The following TNFAIP8 variants were observed in gnomAD, a reference collection of about 807,000 sequenced individuals.
TNFAIP8 encodes the protein TNF alpha induced protein 8.
Under a neutral mutation model 13.3 loss-of-function variants are expected in TNFAIP8, and 7 were observed. The ratio of observed to expected loss-of-function variants is 0.52; its 90% CI spans 0.30 to 0.99. The LOEUF (loss-of-function observed/expected upper bound fraction) is 0.99. Among genes scored for constraint, TNFAIP8 ranks in the 50% least tolerant of loss-of-function variants. The pLI is 0.07. For synonymous variants in TNFAIP8, 94 were observed against 87.6 expected (o/e 1.07, Z -0.41); for missense variants, 258 against 236.9 (o/e 1.09, Z -0.58).
chr5:119,381,674 A>G (rs1443513239), intron 1 of TNFAIP8, among the ~76,000 whole-genome samples: 1 of 152,152 alleles, frequency 6.6e-6, no homozygotes, highest in African/African-American at 2.4e-5. Flanking sequence ...GGTCCCGGGT[A>G]AGATTTCTTG....
chr5:119,282,210 C>T (rs936438754), intron 1 of TNFAIP8, among the ~76,000 whole-genome samples: 19 of 152,198 alleles, frequency 1.2e-4, no homozygotes, highest in African/African-American at 4.6e-4. Flanking sequence ...GCTCTTGACC[C>T]AGAATAAGCC....
chr5:119,291,091 A>G (rs891123876), intron 1 of TNFAIP8, among the ~76,000 whole-genome samples: 1 of 152,206 alleles, frequency 6.6e-6, no homozygotes, highest in African/African-American at 2.4e-5. Flanking sequence ...TGTTTCCAGT[A>G]TTATCCAGGT....
chr5:119,362,514 G>A (rs77062467), intron 1 of TNFAIP8, among the ~76,000 whole-genome samples: 9,114 of 152,184 alleles, frequency 0.06, 390 homozygotes, highest in Non-Finnish European at 0.086. Context: ...GAAAAATTAA[G>A]GCTAGGCACA....
intron 1 of TNFAIP8, among the ~76,000 whole-genome samples, chr5:119,294,063 T>C (rs1749081952): frequency 6.6e-6 from 1 of 152,156 alleles, no homozygotes; most frequent in African/African-American, 2.4e-5. Context: ...AATTTTATTA[T>C]ACTTTAAGTT....
chr5:119,316,601 G>C (rs151194518), intron 1 of TNFAIP8, among the ~76,000 whole-genome samples: 1 of 152,248 alleles, frequency 6.6e-6, no homozygotes, highest in East Asian at 1.9e-4. Context: ...TAAACTCTAA[G>C]GCAGAGATTC....
intron 1 of TNFAIP8, among the ~76,000 whole-genome samples, chr5:119,313,361 A>G (rs985550904): frequency 6.6e-6 from 1 of 152,196 alleles, no homozygotes; most frequent in Non-Finnish European, 1.5e-5. Flanking sequence ...TCAGCTTGTA[A>G]TGAAACATGA....
intron 1 of TNFAIP8, among the ~76,000 whole-genome samples, chr5:119,371,424 T>C (rs1034160074): frequency 6.6e-6 from 1 of 152,052 alleles, no homozygotes; most frequent in Non-Finnish European, 1.5e-5. Flanking sequence ...ATGCTGAAAA[T>C]GTGATAGAAA....
At chr5:119,334,156 G>GAAA (rs1562005111) in intron 1 of TNFAIP8, among the ~76,000 whole-genome samples, 2 of 147,268 alleles carry the variant, frequency 1.4e-5, no homozygotes, top group African/African-American at 5.1e-5. Context: ...AAAAAAAAAC[G>GAAA]GTTTACCTTA....
intron 1 of TNFAIP8, among the ~76,000 whole-genome samples, chr5:119,318,923 G>C (rs907222492): frequency 6.6e-6 from 1 of 152,034 alleles, no homozygotes; most frequent in Non-Finnish European, 1.5e-5. Context: ...CCAGTGGTTG[G>C]AATGTTTTAA....
rs193163973 is a variant in TNFAIP8 at position 119,287,562 on chromosome 5, C to A, written c.1+18655C>A. ...TATTAGATCTCCAGAACTTACTCATCTTATAACTGAAGGTTTGTATCAACA... is the reference window on the plus strand; with the variant it reads ...TATTAGATCTCCAGAACTTACTCATATTATAACTGAAGGTTTGTATCAACA... On this transcript the variant is annotated intron_variant, in intron 1 of 1. Transcript: ENST00000274456. Among the ~76,000 whole-genome samples, 15 of 152,198 alleles carry A rather than the reference C, an allele frequency of 9.9e-5. No homozygotes were observed. The East Asian group carries it at 2.7e-3, about 27-fold the overall frequency.
In TNFAIP8 at chr5:119,292,435, A is replaced by G. The variant is rs138327897; in HGVS notation, c.1+23528A>G. 6.3e-3 allele frequency among the ~76,000 whole-genome samples: 963 copies of G among 151,998 alleles called. 8 individuals carry two copies. Among genetic ancestry groups the G allele is most frequent in the African/African-American group, 0.022 (925 of 41,492 alleles). On this transcript the variant is annotated intron_variant, in intron 1 of 1. Coordinates refer to the TNFAIP8 transcript ENST00000274456. Reference sequence around the variant, plus strand: ...CTTTTCATTTCCTTATTTATTAAATAAAACATTATATCATATGGTATTTTG... The same window carrying G: ...CTTTTCATTTCCTTATTTATTAAATGAAACATTATATCATATGGTATTTTG...
rs75202930 is a variant in TNFAIP8 at position 119,283,436 on chromosome 5, C to T, written c.1+14529C>T. Among the ~76,000 whole-genome samples, 1,176 of 152,194 alleles carry T rather than the reference C, an allele frequency of 7.7e-3. 15 individuals carry two copies. The highest frequency in any genetic ancestry group is 0.036 in the South Asian group (174 of 4,808). ...TCCCTTGAGCCCAGGAGTTTGAGAC[C>T]AGCCTGGCAACATAGCAAGACCCTG... On this transcript the variant is annotated intron_variant, in intron 1 of 1. Coordinates refer to the TNFAIP8 transcript ENST00000274456.
chr5:119,270,247 G>A (rs1180127744), intron 1 of TNFAIP8, among the ~76,000 whole-genome samples: 1 of 152,254 alleles, frequency 6.6e-6, no homozygotes, highest in East Asian at 1.9e-4. Flanking sequence ...TTTGAATCCT[G>A]TATTACACAG....
chr5:119,380,125 C>A (rs1752434531), intron 1 of TNFAIP8, among the ~76,000 whole-genome samples: 3 of 152,258 alleles, frequency 2.0e-5, no homozygotes. Context: ...CACTTGACTT[C>A]TGAGCCTCAC....
intron 1 of TNFAIP8, among the ~76,000 whole-genome samples, chr5:119,275,979 G>A (rs1490803617): frequency 6.6e-6 from 1 of 152,114 alleles, no homozygotes; most frequent in East Asian, 1.9e-4. Context: ...TTACCATTAG[G>A]GAAATGAGGC....
At chr5:119,333,161 T>C (rs1750437541) in intron 1 of TNFAIP8, 1 of 982,670 alleles carries the variant, frequency 1.0e-6, no homozygotes. Flanking sequence ...ACGTTAGACT[T>C]CCTGTTTCTG....
rs148023198 is a variant in TNFAIP8, at chr5:119,375,871, T to G, written c.32-16945T>G. On this transcript the variant is annotated intron_variant, in intron 1 of 1. Coordinates refer to ENST00000504771, the MANE Select transcript of TNFAIP8 (RefSeq NM_014350.4). Reference sequence around the variant, plus strand: ...AGCAAAGAAAGGTAGAGTTTCTGCCTTTTTCTTATGACTTAAACCTAAAGA... The same window carrying G: ...AGCAAAGAAAGGTAGAGTTTCTGCCGTTTTCTTATGACTTAAACCTAAAGA... 1.8e-3 allele frequency among the ~76,000 whole-genome samples: 276 copies of G among 152,246 alleles called. 1 individual carries two copies. Among genetic ancestry groups the G allele is most frequent in the African/African-American group, 6.4e-3 (267 of 41,584 alleles).
At chr5:119,307,316 T>C (rs1232592447) in intron 1 of TNFAIP8, among the ~76,000 whole-genome samples, 1 of 152,230 alleles carries the variant, frequency 6.6e-6, no homozygotes, top group African/African-American at 2.4e-5. Context: ...AATGCTGCAA[T>C]AAACAACCAC....
At chr5:119,359,201 T>C (rs1751545767) in intron 1 of TNFAIP8, among the ~76,000 whole-genome samples, 1 of 152,168 alleles carries the variant, frequency 6.6e-6, no homozygotes, top group Non-Finnish European at 1.5e-5. Flanking sequence ...CCTGGCTCCT[T>C]CTTTTCTGCA....
Sources: allele counts gnomAD v4.1 joint callset (sites outside exome capture counted in the v4.1 genomes callset), GRCh38; gene constraint gnomAD v4.1.1; transcripts MANE v1.5; gene names NCBI Gene and HGNC (gene_info 2026-07-23, HGNC 2026-07-21).